Variants in DSE observed in about 807,000 individuals in gnomAD.
The protein encoded by DSE is dermatan sulfate epimerase.
Under a neutral mutation model 84.4 loss-of-function variants are expected in DSE, and 36 were observed. The ratio of observed to expected loss-of-function variants is 0.43; its 90% CI spans 0.33 to 0.56. The LOEUF (loss-of-function observed/expected upper bound fraction) is 0.56. Ranked by LOEUF, DSE falls within the 20% of genes least tolerant of loss-of-function variation. The pLI is 0.06. For missense variants in DSE, 862 were observed against 1,169.6 expected (o/e 0.74, Z 3.84); for synonymous variants, 410 against 430.1 (o/e 0.95, Z 0.58).
intron 2 of DSE, among the ~76,000 whole-genome samples, chr6:116,314,487 A>G (rs1291514966): frequency 3.3e-5 from 5 of 152,210 alleles, no homozygotes; most frequent in Admixed American, 3.3e-4. Flanking sequence ...ACTTTGGCTC[A>G]GATAAGTTAT....
upstream of DSE, among the ~76,000 whole-genome samples, chr6:116,365,744 G>A (rs747246456): frequency 6.6e-6 from 1 of 152,200 alleles, no homozygotes; most frequent in Non-Finnish European, 1.5e-5. Flanking sequence ...GCATTGGTGT[G>A]TTTTGGGTTC....
intron 2 of DSE, among the ~76,000 whole-genome samples, chr6:116,305,786 C>T (rs1243989044): frequency 6.6e-6 from 1 of 152,056 alleles, no homozygotes; most frequent in Admixed American, 6.6e-5. Flanking sequence ...TACAGTGTAG[C>T]ATGTGCCACC....
chr6:116,370,790 G>T (rs1373404886), upstream of DSE: 1 of 977,422 alleles, frequency 1.0e-6, no homozygotes, highest in South Asian at 4.7e-5. Context: ...GGTTCGGCCG[G>T]GGGAGGGGGT....
In DSE at chr6:116,443,605, G is replaced by A. The variant is rs1442998682; in HGVS notation, c.*6260G>A. ...ATTGTGATTAATGCAGGCAGTTGGA[G>A]TACTTTCTAAATCAGAAAAGTAAAA... On this transcript the variant is annotated 3_prime_UTR_variant, in exon 6 of 6. Transcript: ENST00000644252. The A allele has an allele frequency of 6.6e-6, 1 of 152,186 alleles. No homozygotes were observed. Among genetic ancestry groups the A allele is most frequent in the Non-Finnish European group, 1.5e-5 (1 of 68,034 alleles). 9.4% of individuals were successfully genotyped at this position (152,186 alleles called of 1,614,324 possible).
upstream of DSE, chr6:116,370,421 A>G (rs908651158): frequency 9.1e-6 from 9 of 987,786 alleles, no homozygotes; most frequent in Non-Finnish European, 9.6e-6. Context: ...CTTTGAGAAG[A>G]GAGTAAAACC....
At chr6:116,395,221 C>T (rs561405329) in intron 1 of DSE, among the ~76,000 whole-genome samples, 4 of 151,622 alleles carry the variant, frequency 2.6e-5, no homozygotes, top group Non-Finnish European at 4.4e-5. Context: ...GTCAAGAGAG[C>T]GAGACCATCC....
chr6:116,298,750 G>A (rs914899934), intron 2 of DSE, among the ~76,000 whole-genome samples: 7 of 152,230 alleles, frequency 4.6e-5, no homozygotes, highest in African/African-American at 1.7e-4. Flanking sequence ...TAGTGTTCAT[G>A]TAATACTGTT....
intron 2 of DSE, among the ~76,000 whole-genome samples, chr6:116,280,651 C>T (rs971783866): frequency 1.3e-5 from 2 of 152,194 alleles, no homozygotes; most frequent in African/African-American, 4.8e-5. Context: ...AACGAAGCAT[C>T]TGTCTTTAGC....
intron 2 of DSE, among the ~76,000 whole-genome samples, chr6:116,323,899 A>C (rs1010857485): frequency 7.9e-5 from 12 of 152,086 alleles, no homozygotes; most frequent in African/African-American, 2.9e-4. Context: ...CACTTCTACC[A>C]TCCTTCTTCA....
At chr6:116,302,722 A>G (rs1170599022) in intron 2 of DSE, among the ~76,000 whole-genome samples, 5 of 150,726 alleles carry the variant, frequency 3.3e-5, no homozygotes, top group Non-Finnish European at 7.4e-5. Flanking sequence ...GCCCATGCCT[A>G]TGTCCTGAAT....
intron 2 of DSE, among the ~76,000 whole-genome samples, chr6:116,320,977 G>A (rs1193101428): frequency 2.6e-5 from 4 of 152,272 alleles, no homozygotes; most frequent in South Asian, 4.2e-4. Context: ...GAGAGATTGA[G>A]ATAGAGCTGA....
chr6:116,402,281 A>G (rs1453244653), intron 2 of DSE, among the ~76,000 whole-genome samples: 1 of 152,198 alleles, frequency 6.6e-6, no homozygotes, highest in Non-Finnish European at 1.5e-5. Context: ...CATTTGTATC[A>G]TGCTGCACCC....
chr6:116,311,393 A>G (rs954487300), intron 2 of DSE, among the ~76,000 whole-genome samples: 2 of 152,230 alleles, frequency 1.3e-5, no homozygotes, highest in African/African-American at 4.8e-5. Context: ...TAGTAGAAAT[A>G]AAGAATAACA....
intron 2 of DSE, among the ~76,000 whole-genome samples, chr6:116,318,125 G>A (rs1776094963): frequency 6.6e-6 from 1 of 152,166 alleles, no homozygotes; most frequent in East Asian, 1.9e-4. Flanking sequence ...ACATGCTGAG[G>A]CATTCGACAT....
intron 2 of DSE, among the ~76,000 whole-genome samples, chr6:116,265,203 T>C (rs891783826): frequency 3.9e-5 from 6 of 151,994 alleles, no homozygotes; most frequent in African/African-American, 1.4e-4. Context: ...ATGGTGACTG[T>C]GTGCACAGTC....
intron 4 of DSE, chr6:116,432,747 T>C (rs1783923044): frequency 6.6e-6 from 1 of 152,280 alleles, no homozygotes; most frequent in Non-Finnish European, 1.5e-5. Flanking sequence ...TTTTCTTCCC[T>C]ATTCCAAAAA....
intron 2 of DSE, among the ~76,000 whole-genome samples, chr6:116,347,712 A>G (rs895514800): frequency 3.3e-5 from 5 of 152,242 alleles, no homozygotes; most frequent in Non-Finnish European, 7.3e-5. Context: ...CCTAGGCAAT[A>G]CCATTCAGGA....
rs1356542902 is a variant in DSE at position 116,438,989 on chromosome 6, CTGTTTAAAAGA to C, written c.*1645_*1655del. 1 of 151,950 alleles carries C rather than the reference CTGTTTAAAAGA, an allele frequency of 6.6e-6. No homozygotes were observed. Among genetic ancestry groups the C allele is most frequent in the Non-Finnish European group, 1.5e-5 (1 of 68,026 alleles). The allele number at this position is 151,950 out of a possible 1,614,324, so 9.4% of individuals were successfully genotyped here. ...TCTCTAGGGAGGATGTCATTACACA[CTGTTTAAAAGA>C]ATAATGTTTTCAAAAGAATAATGCT... On this transcript the variant is annotated 3_prime_UTR_variant, in exon 6 of 6. Coordinates refer to ENST00000644252, the MANE Select transcript of DSE (RefSeq NM_013352.4).
chr6:116,318,752 A>G (rs761287531), intron 2 of DSE, among the ~76,000 whole-genome samples: 35 of 152,228 alleles, frequency 2.3e-4, no homozygotes, highest in Admixed American at 7.2e-4. Context: ...AGAAATTTAA[A>G]AATATTTTTT....
Sources: gnomAD v4.1 joint callset for allele counts (sites outside exome capture counted in the v4.1 genomes callset) on GRCh38, gnomAD v4.1.1 for gene constraint, MANE v1.5 for transcripts, NCBI Gene and HGNC (gene_info 2026-07-23, HGNC 2026-07-21) for gene names.